CALN1: variants seen among roughly 807,000 people sequenced by gnomAD.
CALN1 encodes calneuron 1.
CALN1 carries 17 observed loss-of-function variants against 30.6 expected under a neutral mutation model. The observed-to-expected ratio is 0.56, with a 90% CI of 0.38 to 0.83. CALN1 has a LOEUF of 0.83. Among genes scored for constraint, CALN1 ranks in the 40% least tolerant of loss-of-function variants. The pLI is 0.00. For synonymous variants in CALN1, 156 were observed against 131.4 expected (o/e 1.19, Z -1.28); for missense variants, 291 against 354.9 (o/e 0.82, Z 1.45).
At chr7:71,993,599 GGT>G (rs1799079014) in intron 5 of CALN1, among the ~76,000 whole-genome samples, 1 of 152,090 alleles carries the variant, frequency 6.6e-6, no homozygotes, top group South Asian at 2.1e-4. Context: ...TGGGATTACA[GGT>G]GTGTGTCAAC....
At chr7:72,410,014 T>C (rs564354042) in intron 1 of CALN1, among the ~76,000 whole-genome samples, 40 of 152,326 alleles carry the variant, frequency 2.6e-4, no homozygotes, top group Admixed American at 2.3e-3. Flanking sequence ...AAAGAATTTA[T>C]TTTTGTTATA....
At chr7:72,395,475 G>C (rs182307806) in intron 2 of CALN1, among the ~76,000 whole-genome samples, 276 of 152,234 alleles carry the variant, frequency 1.8e-3, no homozygotes, top group African/African-American at 6.1e-3. Flanking sequence ...ATTTTAATTT[G>C]CATTGATACT....
chr7:71,883,539 G>A (rs1792711842), intron 5 of CALN1, among the ~76,000 whole-genome samples: 1 of 152,104 alleles, frequency 6.6e-6, no homozygotes, highest in Non-Finnish European at 1.5e-5. Context: ...AAGGAGTTAG[G>A]AACATAATGA....
chr7:71,790,288 C>G (rs1053350316), intron 6 of CALN1, among the ~76,000 whole-genome samples: 1 of 126,388 alleles, frequency 7.9e-6, no homozygotes, highest in African/African-American at 3.0e-5. Flanking sequence ...AAGAAAGAAA[C>G]GAAGGAAGGA....
At chr7:71,970,144 C>T (rs149554894) in intron 5 of CALN1, among the ~76,000 whole-genome samples, 6 of 152,224 alleles carry the variant, frequency 3.9e-5, no homozygotes, top group Admixed American at 6.5e-5. Flanking sequence ...CCACCACGCC[C>T]GGCCCAGCAA....
At chr7:72,214,203 G>A (rs979259436) in intron 3 of CALN1, among the ~76,000 whole-genome samples, 1 of 152,190 alleles carries the variant, frequency 6.6e-6, no homozygotes, top group Non-Finnish European at 1.5e-5. Flanking sequence ...TATTAGGCTG[G>A]GTGCAGTGGC....
chr7:72,337,077 G>A lies in CALN1; in HGVS notation c.120-58267C>T, dbSNP rs1363038272. Reference sequence around the variant, plus strand: ...CCCCTCCCGCTCCCGCTGGCCGCGCGGGTTCAGCCCATGTGCGCGGCTGCC... The same window carrying A: ...CCCCTCCCGCTCCCGCTGGCCGCGCAGGTTCAGCCCATGTGCGCGGCTGCC... On this transcript the variant is annotated intron_variant, in intron 2 of 6. Coordinates refer to ENST00000395275, the MANE Select transcript of CALN1 (RefSeq NM_031468.4). 6.1e-6 allele frequency: 6 copies of A among 985,608 alleles called. No homozygotes were observed. The South Asian group carries it at 1.4e-4, about 23-fold the overall frequency. 61.1% of individuals were successfully genotyped at this position (985,608 alleles called of 1,614,324 possible). A position where few individuals can be genotyped will look rare whatever the true frequency, so the allele number is the denominator to read the frequency against.
chr7:72,493,049 T>C, the CALN1 span, among the ~76,000 whole-genome samples: 3 of 152,136 alleles, frequency 2.0e-5, no homozygotes, highest in Non-Finnish European at 2.9e-5. Context: ...CTCACAGAAT[T>C]TGGCAACTAT....
At chr7:72,402,719 CAG>C (rs780893334) in intron 2 of CALN1, among the ~76,000 whole-genome samples, 10 of 152,146 alleles carry the variant, frequency 6.6e-5, no homozygotes, top group Non-Finnish European at 1.2e-4. Flanking sequence ...CATCAATGAC[CAG>C]AGACAGACAG....
At chr7:71,879,660 GT>G (rs1297950897) in intron 5 of CALN1, among the ~76,000 whole-genome samples, 1 of 152,186 alleles carries the variant, frequency 6.6e-6, no homozygotes, top group Non-Finnish European at 1.5e-5. Context: ...GAGCTCCAGG[GT>G]CCAAGGATGG....
chr7:72,197,251 C>G (rs1027156227), intron 3 of CALN1, among the ~76,000 whole-genome samples: 55 of 127,328 alleles, frequency 4.3e-4, no homozygotes, highest in Middle Eastern at 6.7e-3. Flanking sequence ...GTGGCACGAT[C>G]TCAGCTCACT....
At chr7:72,045,282 A>G (rs1326004367) in intron 4 of CALN1, among the ~76,000 whole-genome samples, 2 of 152,094 alleles carry the variant, frequency 1.3e-5, no homozygotes, top group African/African-American at 4.8e-5. Context: ...AAGCTGGGAG[A>G]CCCAGGTCTG....
chr7:72,189,037 AG>A (rs1790416240), intron 3 of CALN1, among the ~76,000 whole-genome samples: 1 of 152,232 alleles, frequency 6.6e-6, no homozygotes, highest in Non-Finnish European at 1.5e-5. Context: ...GAGAAGCAGA[AG>A]GAACTGCAAA....
intron 5 of CALN1, among the ~76,000 whole-genome samples, chr7:71,948,901 G>T: frequency 6.6e-6 from 1 of 151,516 alleles, no homozygotes; most frequent in African/African-American, 2.4e-5. Context: ...AAAATAGCCA[G>T]GCATGGTAGC....
intron 6 of CALN1, among the ~76,000 whole-genome samples, chr7:71,807,813 C>T (rs958950100): frequency 1.3e-5 from 2 of 152,096 alleles, no homozygotes; most frequent in Admixed American, 6.6e-5. Flanking sequence ...TGATGGCTCA[C>T]GCCTGTAATC....
chr7:72,142,830 T>C (rs1202127559), intron 3 of CALN1, among the ~76,000 whole-genome samples: 1 of 152,128 alleles, frequency 6.6e-6, no homozygotes, highest in Non-Finnish European at 1.5e-5. Flanking sequence ...TATTCGCTGT[T>C]CTGCAGCCTC....
intron 2 of CALN1, among the ~76,000 whole-genome samples, chr7:72,303,379 A>T (rs1292434179): frequency 6.6e-6 from 1 of 152,052 alleles, no homozygotes; most frequent in East Asian, 1.9e-4. Flanking sequence ...CCTGACCAAC[A>T]TGGAGAAACC....
intron 5 of CALN1, among the ~76,000 whole-genome samples, chr7:71,904,685 G>A (rs1259797156): frequency 6.6e-6 from 1 of 152,104 alleles, no homozygotes; most frequent in African/African-American, 2.4e-5. Flanking sequence ...AATGCTGAGT[G>A]GACAAATGCA....
chr7:72,444,909 T>C (rs1345656405), intron 1 of CALN1, among the ~76,000 whole-genome samples: 1 of 152,116 alleles, frequency 6.6e-6, no homozygotes, highest in Admixed American at 6.5e-5. Flanking sequence ...AGGCCATGCC[T>C]TTCCCACCAC....
Sources: allele counts gnomAD v4.1 joint callset (sites outside exome capture counted in the v4.1 genomes callset), GRCh38; gene constraint gnomAD v4.1.1; transcripts MANE v1.5; gene names NCBI Gene and HGNC (gene_info 2026-07-23, HGNC 2026-07-21).